Variants in EPYC observed in about 807,000 individuals in gnomAD.
The protein encoded by EPYC is epiphycan.
EPYC carries 28 observed loss-of-function variants against 30.1 expected under a neutral mutation model. That is an observed-to-expected ratio of 0.93 (90% confidence interval 0.69 to 1.28). EPYC has a LOEUF of 1.28. Ranked by LOEUF, EPYC falls within the 50% of genes most tolerant of loss-of-function variation. The pLI is 0.00. For missense variants in EPYC, 382 were observed against 383.5 expected (o/e 1.00, Z 0.03); for synonymous variants, 144 against 141.4 (o/e 1.02, Z -0.13).
At position 90,978,275 on chromosome 12, in the gene EPYC, A is replaced by G. The variant is rs758070556; in HGVS notation, c.166-13T>C. 9.5e-6 allele frequency: 15 copies of G among 1,573,904 alleles called. No individual in the cohort carries two copies. The highest frequency in any genetic ancestry group is 1.4e-5 in the African/African-American group (1 of 71,498). On this transcript the variant is annotated splice_polypyrimidine_tract_variant and intron_variant, in intron 2 of 6. Coordinates refer to ENST00000261172, the MANE Select transcript of EPYC (RefSeq NM_004950.5). ...TGGCTATTTCAATCTGAAAAAAAAA[A>G]AAAAAAGAGAATTTCTTCAGGCCAA...
intron 1 of EPYC, among the ~76,000 whole-genome samples, chr12:91,004,629 C>T (rs1877909738): frequency 6.6e-6 from 1 of 151,944 alleles, no homozygotes; most frequent in Non-Finnish European, 1.5e-5. Flanking sequence ...ATCAATAGTG[C>T]CTGTCTATAC....
In EPYC at chr12:90,969,374, A is replaced by G. The variant is rs1876977370; in HGVS notation, c.798+670T>C. Among the ~76,000 whole-genome samples, 6 of 152,194 alleles carry G rather than the reference A, an allele frequency of 3.9e-5. No homozygotes were observed. The South Asian group carries it at 1.2e-3, about 32-fold the overall frequency. ...AAGAAATAATTTATATTTAACAACCAAAAATATTCATTATGATTGAACAAT... is the reference window on the plus strand; with the variant it reads ...AAGAAATAATTTATATTTAACAACCGAAAATATTCATTATGATTGAACAAT... On this transcript the variant is annotated intron_variant, in intron 6 of 6. Coordinates refer to ENST00000261172, the MANE Select transcript of EPYC (RefSeq NM_004950.5).
At chr12:90,971,241 T>C (rs141350434) in intron 5 of EPYC, among the ~76,000 whole-genome samples, 2,106 of 152,278 alleles carry the variant, frequency 0.014, 26 homozygotes, top group Non-Finnish European at 0.02. Context: ...AGCCACCAAC[T>C]TCTTATTCTG....
chr12:90,973,657 G>A (rs1232041733), intron 3 of EPYC, among the ~76,000 whole-genome samples: 1 of 152,146 alleles, frequency 6.6e-6, no homozygotes, highest in Non-Finnish European at 1.5e-5. Context: ...TATGCAGGTA[G>A]GACAGGAATG....
At chr12:90,964,650 A>T (rs984025783) in intron 6 of EPYC, among the ~76,000 whole-genome samples, 4 of 152,152 alleles carry the variant, frequency 2.6e-5, no homozygotes, top group African/African-American at 9.7e-5. Flanking sequence ...TTTAGAGGTA[A>T]CAATTGAACT....
At chr12:90,974,030 A>ACACT (rs201286276) in intron 3 of EPYC, among the ~76,000 whole-genome samples, 3,391 of 79,552 alleles carry the variant, frequency 0.043, 54 homozygotes, top group South Asian at 0.1. Flanking sequence ...TTTCTGTCTT[A>ACACT]CACACACTCA....
chr12:90,987,333 A>G (rs945243754), intron 2 of EPYC, among the ~76,000 whole-genome samples: 1 of 149,868 alleles, frequency 6.7e-6, no homozygotes, highest in African/African-American at 2.4e-5. Flanking sequence ...TCCCCCACAC[A>G]GAAACATTCC....
At chr12:90,973,261 T>C (rs1216217224) in intron 3 of EPYC, among the ~76,000 whole-genome samples, 1 of 152,162 alleles carries the variant, frequency 6.6e-6, no homozygotes, top group Non-Finnish European at 1.5e-5. Flanking sequence ...ATTGTGCTTT[T>C]CATAAAGTTA....
intron 2 of EPYC, among the ~76,000 whole-genome samples, chr12:90,998,881 T>G (rs1877758209): frequency 6.6e-6 from 1 of 152,096 alleles, no homozygotes; most frequent in African/African-American, 2.4e-5. Flanking sequence ...TGTGGTCTCA[T>G]GCAGAGCTCA....
chr12:90,971,475 G>C (rs1877041689), intron 5 of EPYC, among the ~76,000 whole-genome samples: 3 of 152,002 alleles, frequency 2.0e-5, no homozygotes, highest in African/African-American at 7.3e-5. Context: ...TTCGACACCA[G>C]CCTAGGAAAT....
chr12:90,993,129 C>T (rs758788389), intron 2 of EPYC, among the ~76,000 whole-genome samples: 1 of 152,166 alleles, frequency 6.6e-6, no homozygotes, highest in Non-Finnish European at 1.5e-5. Flanking sequence ...TTTTCTCACT[C>T]CTAAGCTAAT....
intron 5 of EPYC, 99 bp from the exon 6 acceptor site, chr12:90,970,238 A>T: frequency 2.4e-6 from 2 of 835,556 alleles, no homozygotes; most frequent in Non-Finnish European, 1.9e-6. Context: ...CTACATGCAG[A>T]TATTTGTAAA....
At chr12:90,974,041 C>T (rs935120985) in intron 3 of EPYC, among the ~76,000 whole-genome samples, 7 of 115,080 alleles carry the variant, frequency 6.1e-5, no homozygotes, top group African/African-American at 3.4e-4. Flanking sequence ...CACACACTCA[C>T]ACACACACAC....
intron 2 of EPYC, among the ~76,000 whole-genome samples, chr12:90,987,930 AT>A (rs1877491792): frequency 6.6e-6 from 1 of 152,068 alleles, no homozygotes; most frequent in Non-Finnish European, 1.5e-5. Flanking sequence ...ACTCCTTACA[AT>A]TTTGACTGAA....
At chr12:90,991,527 T>G (rs191978987) in intron 2 of EPYC, among the ~76,000 whole-genome samples, 1 of 152,220 alleles carries the variant, frequency 6.6e-6, no homozygotes, top group East Asian at 1.9e-4. Context: ...ATTTATGAAA[T>G]GTAGTGAACT....
intron 2 of EPYC, 83 bp from the exon 3 acceptor site, chr12:90,978,345 C>A: frequency 7.3e-7 from 1 of 1,363,170 alleles, no homozygotes; most frequent in Non-Finnish European, 9.9e-7. Flanking sequence ...TTAAAATGTA[C>A]CCATATTTGC....
intron 2 of EPYC, among the ~76,000 whole-genome samples, chr12:91,000,895 A>G (rs546191820): frequency 3.9e-5 from 6 of 152,122 alleles, no homozygotes; most frequent in Non-Finnish European, 8.8e-5. Flanking sequence ...GATGCATCAC[A>G]TTGGAGATGT....
At chr12:90,973,205 A>G (rs1015728854) in intron 3 of EPYC, among the ~76,000 whole-genome samples, 4 of 37,802 alleles carry the variant, frequency 1.1e-4, no homozygotes, top group African/African-American at 3.2e-4. Context: ...ATTTAAAATT[A>G]GTACTTTTCT....
At chr12:90,989,478 G>T (rs1329518213) in intron 2 of EPYC, among the ~76,000 whole-genome samples, 1 of 151,896 alleles carries the variant, frequency 6.6e-6, no homozygotes, top group Non-Finnish European at 1.5e-5. Flanking sequence ...ATTTTGTATT[G>T]ACTTGCTAGG....
Sources: gnomAD v4.1 joint callset for allele counts (sites outside exome capture counted in the v4.1 genomes callset) on GRCh38, gnomAD v4.1.1 for gene constraint, MANE v1.5 for transcripts, NCBI Gene and HGNC (gene_info 2026-07-23, HGNC 2026-07-21) for gene names.